Variants in MROH6 observed in about 807,000 individuals in gnomAD.
MROH6 encodes the protein maestro heat like repeat family member 6.
A neutral mutation model predicts 67.7 loss-of-function variants in MROH6; 62 were observed. The observed-to-expected ratio is 0.92, with a 90% CI of 0.75 to 1.13. MROH6 has a LOEUF of 1.13. MROH6 is among the 50% of genes most tolerant of loss of function. The probability of loss-of-function intolerance (pLI) is 0.00; values close to 1 mark genes in which losing one functional copy is unlikely to be tolerated. For synonymous variants in MROH6, 566 were observed against 470.8 expected, an observed-to-expected ratio of 1.20 and a Z score of -2.62; for missense variants, 1,175 against 1,029.1, an observed-to-expected ratio of 1.14 and a Z score of -1.94.
rs200279480 is a variant in MROH6, at chr8:143,572,646, T to C, written c.69A>G (p.Ala23=). 18 of 1,576,826 alleles carry C rather than the reference T, an allele frequency of 1.1e-5. No individual in the cohort carries two copies. The East Asian group carries it at 4.1e-4, about 36-fold the overall frequency. The stretch of plus-strand genomic sequence containing the variant: ...GCCTGGCCCGGATTCCTTCAGTCAG[T>C]GCTGTCAGGGTTAGAGCCCCCACGG... ...EAPVGALTLT[A]LTEGIRARQG... The change falls in exon 1 of 14, where the codon GCA becomes GCG. Residue 23 remains alanine, a synonymous_variant. Transcript: ENST00000398882.
At chr8:143,571,532 C>T in intron 3 of MROH6, 135 bp downstream of exon 3, 11 of 1,169,260 alleles carry the variant, frequency 9.4e-6, no homozygotes, top group African/African-American at 1.6e-5. Context: ...GGATACGGGG[C>T]ATGAGTCATC....
rs1041704242 is a variant in MROH6, at chr8:143,567,167, G to C, written c.*72C>G. 9.7e-5 allele frequency: 85 copies of C among 876,178 alleles called. No individual in the cohort carries two copies. Among genetic ancestry groups the C allele is most frequent in the Non-Finnish European group, 1.3e-4 (84 of 669,560 alleles). The allele number at this position is 876,178 out of a possible 1,614,324, so 54.3% of individuals were successfully genotyped here. On this transcript the variant is annotated 3_prime_UTR_variant, in exon 14 of 14. Coordinates refer to ENST00000398882, the MANE Select transcript of MROH6 (RefSeq NM_001100878.2). ...CCAGGCCCAGGGAGCCCCTCCGTCAGGGCGGGGACAGGCTGCTATGCGCGT... is the reference window on the plus strand; with the variant it reads ...CCAGGCCCAGGGAGCCCCTCCGTCACGGCGGGGACAGGCTGCTATGCGCGT...
In MROH6 at chr8:143,568,614, C is replaced by T; in HGVS notation, c.1582G>A (p.Val528Met). 6.5e-7 allele frequency: 1 copy of T among 1,543,466 alleles called. No homozygotes were observed. The highest frequency in any genetic ancestry group is 8.7e-7 in the Non-Finnish European group (1 of 1,151,024). The change falls in exon 10 of 14, where the codon GTG becomes ATG. Residue 528 changes from valine to methionine, a missense_variant. Val to Met is a conservative substitution (Grantham distance 21). Coordinates refer to ENST00000398882, the MANE Select transcript of MROH6 (RefSeq NM_001100878.2). Reference sequence around the variant, plus strand: ...AGCAGCGGCACGAGACTCTGCAGCACCAGCTTCCGCAGGGGGCCGCGGAGC... The same window carrying T: ...AGCAGCGGCACGAGACTCTGCAGCATCAGCTTCCGCAGGGGGCCGCGGAGC... Reference protein sequence around the residue: ...LGLRGPLRKLVLQSLVPLLLR... With the variant: ...LGLRGPLRKLMLQSLVPLLLR...
At position 143,568,117 on chromosome 8, in the gene MROH6, CGGTCA is replaced by C; in HGVS notation, c.1764+20_1764+24del. 1 of 1,580,532 alleles carries C rather than the reference CGGTCA, an allele frequency of 6.3e-7. No individual in the cohort carries two copies. Among genetic ancestry groups the C allele is most frequent in the Non-Finnish European group, 8.6e-7 (1 of 1,163,702 alleles). ...GTGGGCTGCTGATCATACCCCCTTG[CGGTCA>C]CCTTGCTTCCCCTACTGACCAGGCG... On this transcript the variant is annotated intron_variant, in intron 11 of 13. Transcript: ENST00000398882.
intron 3 of MROH6, 45 bp downstream of exon 3, chr8:143,571,622 G>A (rs1378130409): frequency 6.5e-7 from 1 of 1,549,894 alleles, no homozygotes; most frequent in Non-Finnish European, 8.7e-7. Flanking sequence ...CGGGAAGAGG[G>A]AAGGAAGCCG....
At position 143,567,240 on chromosome 8, in the gene MROH6, C is replaced by G; in HGVS notation, c.2159G>C (p.Ter720SerextTer25). 7.4e-6 allele frequency: 9 copies of G among 1,220,580 alleles called. No homozygotes were observed. The highest frequency in any genetic ancestry group is 9.2e-6 in the Non-Finnish European group (9 of 980,160). The allele number at this position is 1,220,580 out of a possible 1,614,324, so 75.6% of individuals were successfully genotyped here. A position where few individuals can be genotyped will look rare whatever the true frequency, so the allele number is the denominator to read the frequency against. The change falls in exon 14 of 14, where the codon TGA (stop) becomes TCA (serine). Residue 720 changes from the stop codon to serine, a stop_lost. Coordinates refer to ENST00000398882, the MANE Select transcript of MROH6 (RefSeq NM_001100878.2). Reference protein sequence around the residue: ...RWGCSGPRRA* With the variant: ...RWGCSGPRRAS ...GCCCTCGGGCCCCAGCCCCGAGCCT[C>G]AGGCTCGGCGGGGTCCGGAGCAGCC... is the stretch of plus-strand genomic sequence containing the variant.
rs1485812885 is a variant in MROH6, at chr8:143,567,060, C to A, written c.*179G>T. 7 of 359,958 alleles carry A rather than the reference C, an allele frequency of 1.9e-5. No homozygotes were observed. The highest frequency in any genetic ancestry group is 2.5e-5 in the Non-Finnish European group (5 of 202,040). The allele number at this position is 359,958 out of a possible 1,614,324, so 22.3% of individuals were successfully genotyped here. A position where few individuals can be genotyped will look rare whatever the true frequency, so the allele number is the denominator to read the frequency against. ...CGGGGACAGATGGGTGCTGGCTGTC[C>A]CCCTCTGTCACCATCAGGGTGGTGG... On this transcript the variant is annotated 3_prime_UTR_variant, in exon 14 of 14. Transcript: ENST00000398882.
Position 143,571,696 on chromosome 8 carries a change from C to A in MROH6, c.573G>T (p.Ala191=), listed in dbSNP as rs770551746. 3.9e-6 allele frequency: 6 copies of A among 1,552,366 alleles called. No individual in the cohort carries two copies. Among genetic ancestry groups the A allele is most frequent in the Non-Finnish European group, 5.2e-6 (6 of 1,148,982 alleles). The change falls in exon 3 of 14, where the codon GCG becomes GCT. Residue 191 remains alanine (A), a synonymous_variant. Transcript: ENST00000398882. ...ALEHARDVVC[A]LLPRSLPADR... is the part of the protein sequence containing the mutation. ...CGGCGGGCAGAGAGCGGGGTAGCAG[C>A]GCACACACCACGTCCCGCGCATGCT...
intron 9 of MROH6, chr8:143,568,997 G>T: frequency 2.5e-6 from 1 of 393,692 alleles, no homozygotes; most frequent in Non-Finnish European, 4.3e-6. Context: ...CTGGGCGACA[G>T]CAGGCGGGAG....
At position 143,568,073 on chromosome 8, in the gene MROH6, C is replaced by G. The variant is rs1563914172; in HGVS notation, c.1764+69G>C. On this transcript the variant is annotated intron_variant, in intron 11 of 13. Coordinates refer to ENST00000398882, the MANE Select transcript of MROH6 (RefSeq NM_001100878.2). ...GCTGCAGTAGAAACGGTTGGGGGCCCCGGTGAACCCTGGAACAAGTGGGCT... is the reference window on the plus strand; with the variant it reads ...GCTGCAGTAGAAACGGTTGGGGGCCGCGGTGAACCCTGGAACAAGTGGGCT... 3.3e-6 allele frequency: 5 copies of G among 1,532,294 alleles called. No homozygotes were observed. In the East Asian group the frequency reaches 1.2e-4, roughly 38 times the overall value. The allele number at this position is 1,532,294 out of a possible 1,614,324, so 94.9% of individuals were successfully genotyped here.
rs751174337 is a variant in MROH6 at position 143,569,776 on chromosome 8, G to C, written c.1223C>G (p.Thr408Ser). Residue 408 changes from threonine (T) to serine (S), a missense_variant, in exon 8 of 14, where the codon ACC becomes AGC. Transcript: ENST00000398882. ...AGTGGGTTCGGGGTCTCCCTGCCAGGTGAGGAGTCGCTCCAGGATGACCTC... is the reference window on the plus strand; with the variant it reads ...AGTGGGTTCGGGGTCTCCCTGCCAGCTGAGGAGTCGCTCCAGGATGACCTC... Reference protein sequence around the residue: ...REEVILERLLTWQGDPEPTVR... With the variant: ...REEVILERLLSWQGDPEPTVR... 1.7e-5 allele frequency: 28 copies of C among 1,612,742 alleles called. No individual in the cohort carries two copies. The South Asian group carries it at 2.0e-4, about 11-fold the overall frequency.
In MROH6 at chr8:143,572,432, C is replaced by A; in HGVS notation, c.283G>T (p.Gly95Trp). 1 of 1,581,328 alleles carries A rather than the reference C, an allele frequency of 6.3e-7. No individual in the cohort carries two copies. The highest frequency in any genetic ancestry group is 8.6e-7 in the Non-Finnish European group (1 of 1,166,912). The change falls in exon 1 of 14, where the codon GGG becomes TGG. Residue 95 changes from glycine (G) to tryptophan (W), a missense_variant. By Grantham distance (184) the Gly-to-Trp change is radical (BLOSUM62 -2). Transcript: ENST00000398882. ...LNSALEPAPEGPHQVPQSSWE... is the reference protein window; with the variant it reads ...LNSALEPAPEWPHQVPQSSWE... ...CCCTCCCCCGTCACCTGGTGGGGCCCCTCAGGGGCTGGTTCCAGGGCACTG... is the reference window on the plus strand; with the variant it reads ...CCCTCCCCCGTCACCTGGTGGGGCCACTCAGGGGCTGGTTCCAGGGCACTG...
At chr8:143,568,821 G>A in intron 9 of MROH6, 102 bp from the exon 10 acceptor site, 1 of 884,484 alleles carries the variant, frequency 1.1e-6, no homozygotes, top group East Asian at 2.9e-5. Flanking sequence ...GTCTAGGGAA[G>A]GCTGCTGACT....
rs563097702 is a variant in MROH6 at position 143,567,472 on chromosome 8, G to A, written c.1934-7C>T. The A allele has an allele frequency of 1.5e-5, 21 of 1,413,872 alleles. No individual in the cohort carries two copies. Among genetic ancestry groups the A allele is most frequent in the Middle Eastern group, 2.6e-4 (1 of 3,814 alleles). The allele number at this position is 1,413,872 out of a possible 1,614,324, so 87.6% of individuals were successfully genotyped here. The stretch of plus-strand genomic sequence containing the variant: ...CTCTGCAGTCGCCCTAGGTCTGCGA[G>A]GAGATCGCGGCTCAGGCTGGGGAGC... On this transcript the variant is annotated splice_region_variant and splice_polypyrimidine_tract_variant and intron_variant, in intron 13 of 13. Transcript: ENST00000398882.
chr8:143,569,484 A>C lies in MROH6; in HGVS notation c.1433T>G (p.Leu478Arg). 3 of 1,478,994 alleles carry C rather than the reference A, an allele frequency of 2.0e-6. No homozygotes were observed. Among genetic ancestry groups the C allele is most frequent in the Non-Finnish European group, 2.7e-6 (3 of 1,124,616 alleles). 91.6% of individuals were successfully genotyped at this position (1,478,994 alleles called of 1,614,324 possible). Residue 478 changes from leucine to arginine, a missense_variant, in exon 9 of 14, where the codon CTG (leucine) becomes CGG (arginine). Physicochemically the swap from Leu to Arg is moderately radical, Grantham distance 102 (BLOSUM62 -2). Transcript: ENST00000398882. ...LLRPRAPVRL[L>R]SAELGPRLPP... ...GAGGCGCGGTCCCAGCTCCGCGCTCAGGAGCCGCACAGGCGCCCGGGGCCG... is the reference window on the plus strand; with the variant it reads ...GAGGCGCGGTCCCAGCTCCGCGCTCCGGAGCCGCACAGGCGCCCGGGGCCG...
chr8:143,569,008 G>T, intron 9 of MROH6: 1 of 415,464 alleles, frequency 2.4e-6, no homozygotes, highest in Non-Finnish European at 4.1e-6. Context: ...CAGGCGGGAG[G>T]GGCGGGGGCG....
In MROH6 at chr8:143,567,877, G is replaced by T. The variant is rs999027454; in HGVS notation, c.1776C>A (p.Tyr592Ter). Reference protein sequence around the residue: ...SHLCCRLVQRYPGHVPNFLSQ... With the variant: ...SHLCCRLVQR ...TCAGGAAGTTGGGCACGTGGCCTGG[G>T]TATCGCTGAACCTGGGGACAAAAGG... The change falls in exon 12 of 14, where the codon TAC becomes TAA. Residue 592 changes from tyrosine to a stop codon, truncating the protein, a stop_gained. Coordinates refer to ENST00000398882, the MANE Select transcript of MROH6 (RefSeq NM_001100878.2). LOFTEE classifies it high-confidence loss of function. 9.8e-6 allele frequency: 15 copies of T among 1,525,700 alleles called. No individual in the cohort carries two copies. Among genetic ancestry groups the T allele is most frequent in the Admixed American group, 2.2e-5 (1 of 45,986 alleles). 94.5% of individuals were successfully genotyped at this position (1,525,700 alleles called of 1,614,324 possible).
In MROH6 at chr8:143,568,630, G is replaced by C. The variant is rs1182659555; in HGVS notation, c.1566C>G (p.Gly522=). ...TCTGCAGCACCAGCTTCCGCAGGGG[G>C]CCGCGGAGCCCCAGCCGGAGCCCGC... ...GRGGLRLGLR[G]PLRKLVLQSL... The change falls in exon 10 of 14, where the codon GGC becomes GGG. Residue 522 remains glycine (G), a synonymous_variant. Coordinates refer to ENST00000398882, the MANE Select transcript of MROH6 (RefSeq NM_001100878.2). 1 of 1,537,932 alleles carries C rather than the reference G, an allele frequency of 6.5e-7. No individual in the cohort carries two copies. Among genetic ancestry groups the C allele is most frequent in the Admixed American group, 2.0e-5 (1 of 51,160 alleles).
At chr8:143,572,262 T>C in intron 1 of MROH6, 77 bp from the exon 2 acceptor site, 1 of 1,569,778 alleles carries the variant, frequency 6.4e-7, no homozygotes, top group Non-Finnish European at 8.6e-7. Flanking sequence ...GCCTCCCACC[T>C]GGCTTCCTAC....
Sources: gnomAD v4.1 joint callset for allele counts on GRCh38, gnomAD v4.1.1 for gene constraint, MANE v1.5 for transcripts, NCBI Gene and HGNC (gene_info 2026-07-23, HGNC 2026-07-21) for gene names.